Variants in CSF2RB observed in about 807,000 individuals in gnomAD.
The protein encoded by CSF2RB is cytokine receptor common subunit beta.
A neutral mutation model predicts 67.2 loss-of-function variants in CSF2RB; 22 were observed. The ratio of observed to expected loss-of-function variants is 0.33; its 90% CI spans 0.23 to 0.47. The LOEUF (loss-of-function observed/expected upper bound fraction) is 0.47, where lower values mean the gene tolerates loss of function less well. Among genes scored for constraint, CSF2RB ranks in the 20% least tolerant of loss-of-function variants. The pLI, the probability that CSF2RB is intolerant of heterozygous loss-of-function variation, is 1.00. For synonymous variants in CSF2RB, 507 were observed against 482.9 expected (o/e 1.05, Z -0.65); for missense variants, 1,113 against 1,174.5 (o/e 0.95, Z 0.76).
At chr22:36,924,211 G>A (rs1226959641) in intron 3 of CSF2RB, among the ~76,000 whole-genome samples, 1 of 149,860 alleles carries the variant, frequency 6.7e-6, no homozygotes, top group Non-Finnish European at 1.5e-5. Flanking sequence ...CCTGCTTCCT[G>A]CTGCTCTGAC....
chr22:36,922,369 C>G, intron 2 of CSF2RB, 86 bp downstream of exon 2: 1 of 1,335,472 alleles, frequency 7.5e-7, no homozygotes, highest in Non-Finnish European at 1.0e-6. Context: ...CCTCAGGATC[C>G]TGCCCGCCAG....
intron 1 of CSF2RB, among the ~76,000 whole-genome samples, chr22:36,920,068 T>C (rs1056181500): frequency 4.6e-5 from 7 of 152,182 alleles, no homozygotes; most frequent in African/African-American, 1.4e-4. Context: ...ATCCCACCCC[T>C]GTTTTCTCAT....
At position 36,929,541 on chromosome 22, in the gene CSF2RB, G is replaced by T. The variant is rs1346963093; in HGVS notation, c.531G>T (p.Arg177=). The T allele has an allele frequency of 1.9e-6, 3 of 1,614,048 alleles. No homozygotes were observed. The African/African-American group carries it at 4.0e-5, about 22-fold the overall frequency. ...GDLEFEVVYK[R]LQDSWEDAAI... is the part of the protein sequence containing the mutation. ...TGGAGTTTGAGGTGGTCTACAAGCGGCTTCAGGACTCTTGGGAGGTAGGAA... is the reference window on the plus strand; with the variant it reads ...TGGAGTTTGAGGTGGTCTACAAGCGTCTTCAGGACTCTTGGGAGGTAGGAA... The change falls in exon 5 of 14, where the codon CGG becomes CGT. Residue 177 remains arginine (R), a synonymous_variant. Transcript: ENST00000403662.
In CSF2RB at chr22:36,937,591, G is replaced by A. The variant is rs1941296212; in HGVS notation, c.1783G>A (p.Gly595Arg). The A allele has an allele frequency of 9.4e-6, 15 of 1,597,670 alleles. No homozygotes were observed. The highest frequency in any genetic ancestry group is 1.3e-5 in the Non-Finnish European group (15 of 1,172,174). ...CTTTGACTTCAATGGGCCCTACCTGGGGCCGCCCCACAGCCGCTCCCTACC... is the reference window on the plus strand; with the variant it reads ...CTTTGACTTCAATGGGCCCTACCTGAGGCCGCCCCACAGCCGCTCCCTACC... ...SSFDFNGPYL[G>R]PPHSRSLPDI... The change falls in exon 14 of 14, where the codon GGG becomes AGG. Residue 595 changes from glycine (G) to arginine (R), a missense_variant. Physicochemically the swap from Gly to Arg is moderately radical, Grantham distance 125. Transcript: ENST00000403662. This position sits in a 1 kb window ranked among gnomAD's most constrained non-coding sequence, Gnocchi z 4.6.
At position 36,937,876 on chromosome 22, in the gene CSF2RB, G is replaced by A. The variant is rs140971174; in HGVS notation, c.2068G>A (p.Asp690Asn). ...GPRVGGQDQK[D>N]SPVAIPMSSG... Reference sequence around the variant, plus strand: ...AAGGGTGGGAGGACAGGACCAAAAGGACAGCCCTGTGGCTATACCCATGAG... The same window carrying A: ...AAGGGTGGGAGGACAGGACCAAAAGAACAGCCCTGTGGCTATACCCATGAG... Residue 690 changes from aspartate (D) to asparagine (N), a missense_variant, in exon 14 of 14, where the codon GAC (aspartate) becomes AAC (asparagine). This residue lies in a region of CSF2RB where 554 missense variants were observed against 517.9 expected (regional missense o/e 1.07). Transcript: ENST00000403662. The surrounding 1 kb of genome is among the most constrained non-coding windows in gnomAD (Gnocchi z 4.6). The A allele has an allele frequency of 3.7e-6, 6 of 1,613,970 alleles. No individual in the cohort carries two copies. In the African/African-American group the frequency reaches 6.7e-5, roughly 18 times the overall value.
At position 36,932,773 on chromosome 22, in the gene CSF2RB, G is replaced by A; in HGVS notation, c.1021G>A (p.Ala341Thr). 6.2e-7 allele frequency: 1 copy of A among 1,613,678 alleles called. No homozygotes were observed. The highest frequency in any genetic ancestry group is 8.5e-7 in the Non-Finnish European group (1 of 1,179,892). ...AGCTTCCCTCCCTCCAGTCCAGATG[G>A]CCCCTCCATCCCTCAACGTGACCAA... ...HIKSSVNIQM[A>T]PPSLNVTKDG... Residue 341 changes from alanine to threonine, a missense_variant, in exon 9 of 14, where the codon GCC becomes ACC. Ala to Thr is a moderately conservative substitution (Grantham distance 58, BLOSUM62 0). Around this residue, in one of 2 missense-constraint regions of CSF2RB, gnomAD observed 559 missense variants for 656.5 expected, o/e 0.85. Coordinates refer to ENST00000403662, the MANE Select transcript of CSF2RB (RefSeq NM_000395.3).
chr22:36,922,337 CT>C, intron 2 of CSF2RB, 54 bp downstream of exon 2: 2 of 1,507,690 alleles, frequency 1.3e-6, no homozygotes, highest in South Asian at 1.2e-5. Flanking sequence ...CTGCTGCACC[CT>C]GGGGGAGGGC....
chr22:36,933,902 A>G lies in CSF2RB; in HGVS notation c.1223A>G (p.Tyr408Cys). The change falls in exon 10 of 14, where the codon TAC (tyrosine) becomes TGC (cysteine). Residue 408 changes from tyrosine (Y) to cysteine (C), a missense_variant. Transcript: ENST00000403662. The stretch of plus-strand genomic sequence containing the variant: ...CCAGCCCTGGAGCCCTCCACCAGGT[A>G]CTGGGCCAGGGTGAGGGTCAGGACC... The part of the protein sequence containing the change: ...ALPALEPSTR[Y>C]WARVRVRTSR... The G allele has an allele frequency of 6.2e-7, 1 of 1,611,982 alleles. No individual in the cohort carries two copies. The highest frequency in any genetic ancestry group is 8.5e-7 in the Non-Finnish European group (1 of 1,179,940).
chr22:36,925,035 G>A (rs966108057), intron 3 of CSF2RB, among the ~76,000 whole-genome samples: 7 of 152,206 alleles, frequency 4.6e-5, no homozygotes, highest in African/African-American at 1.7e-4. Context: ...GACAACAGGT[G>A]TCTCCGACTC....
At chr22:36,932,467 T>C (rs1941167194) in intron 8 of CSF2RB, among the ~76,000 whole-genome samples, 1 of 148,834 alleles carries the variant, frequency 6.7e-6, no homozygotes, top group African/African-American at 2.5e-5. Context: ...GCCAGTTGCC[T>C]AGAATAGAAC....
Position 36,937,485 on chromosome 22 carries a change from A to C in CSF2RB, c.1677A>C (p.Ser559=). 1 of 1,613,998 alleles carries C rather than the reference A, an allele frequency of 6.2e-7. No homozygotes were observed. Among genetic ancestry groups the C allele is most frequent in the Non-Finnish European group, 8.5e-7 (1 of 1,179,984 alleles). The change falls in exon 14 of 14, where the codon TCA becomes TCC. Residue 559 remains serine, a synonymous_variant. Coordinates refer to ENST00000403662, the MANE Select transcript of CSF2RB (RefSeq NM_000395.3). This position sits in a 1 kb window ranked among gnomAD's most constrained non-coding sequence, Gnocchi z 4.6. ...GGCCTGACACGACTCCAGCTGCCTC[A>C]GATCTACCCACAGAGCAGCCCCCCA... ...PSGPDTTPAA[S]DLPTEQPPSP... is the part of the protein sequence containing the mutation.
At position 36,938,476 on chromosome 22, in the gene CSF2RB, G is replaced by T. The variant is rs756743554; in HGVS notation, c.2668G>T (p.Val890Phe). 1.3e-5 allele frequency: 21 copies of T among 1,613,852 alleles called. No individual in the cohort carries two copies. The highest frequency in any genetic ancestry group is 1.8e-5 in the Non-Finnish European group (21 of 1,179,894). Residue 890 changes from valine to phenylalanine, a missense_variant, in exon 14 of 14, where the codon GTC becomes TTC. By Grantham distance (50) the Val-to-Phe change is conservative. Around this residue, in one of 2 missense-constraint regions of CSF2RB, gnomAD observed 554 missense variants for 517.9 expected, o/e 1.07. Transcript: ENST00000403662. ...QDYLSLPPWE[V>F]NKPGEVC ...CTACCTGTCTCTGCCCCCTTGGGAG[G>T]TCAACAAGCCTGGGGAGGTGTGTTG...
At chr22:36,919,657 C>T (rs1343736604) in intron 1 of CSF2RB, among the ~76,000 whole-genome samples, 3 of 152,046 alleles carry the variant, frequency 2.0e-5, no homozygotes, top group Admixed American at 6.6e-5. Context: ...GTGATCTGCC[C>T]ACCTTGGCCT....
At chr22:36,919,558 T>C (rs1601577171) in intron 1 of CSF2RB, among the ~76,000 whole-genome samples, 1 of 136,890 alleles carries the variant, frequency 7.3e-6, no homozygotes, top group Admixed American at 8.0e-5. Flanking sequence ...TGCGCCACCA[T>C]GGCCAGCTAT....
Position 36,922,166 on chromosome 22 carries a change from C to T in CSF2RB, c.-42C>T. 1 of 1,517,028 alleles carries T rather than the reference C, an allele frequency of 6.6e-7. No homozygotes were observed. Among genetic ancestry groups the T allele is most frequent in the East Asian group, 2.4e-5 (1 of 41,314 alleles). 94.0% of individuals were successfully genotyped at this position (1,517,028 alleles called of 1,614,324 possible). On this transcript the variant is annotated 5_prime_UTR_variant, in exon 2 of 14. Coordinates refer to ENST00000403662, the MANE Select transcript of CSF2RB (RefSeq NM_000395.3). The stretch of plus-strand genomic sequence containing the variant: ...ACCCTGTCATGCCCATGGCCAGCAC[C>T]CACCAGTGCTGGTGCCTGCCTGTCC...
chr22:36,923,905 C>G (rs4437064), intron 3 of CSF2RB: 341,413 of 658,428 alleles, frequency 0.52, 91,360 homozygotes, highest in Admixed American at 0.65. Flanking sequence ...CTCTCCCAGG[C>G]CCCCCCTCCG....
chr22:36,937,470 G>A lies in CSF2RB; in HGVS notation c.1662G>A (p.Thr554=), dbSNP rs752226094. ...HVCDPPSGPD[T]TPAASDLPTE... ...GTGATCCACCATCTGGGCCTGACAC[G>A]ACTCCAGCTGCCTCAGATCTACCCA... Residue 554 remains threonine (T), a synonymous_variant, in exon 14 of 14, where the codon ACG becomes ACA. Transcript: ENST00000403662. The surrounding 1 kb of genome is among the most constrained non-coding windows in gnomAD (Gnocchi z 4.6). 13 of 1,613,810 alleles carry A rather than the reference G, an allele frequency of 8.1e-6. No individual in the cohort carries two copies. Among genetic ancestry groups the A allele is most frequent in the Middle Eastern group, 1.6e-4 (1 of 6,082 alleles).
In CSF2RB at chr22:36,929,671, G is replaced by A; in HGVS notation, c.582G>A (p.Gln194=). The A allele has an allele frequency of 5.0e-6, 8 of 1,614,208 alleles. No individual in the cohort carries two copies. The highest frequency in any genetic ancestry group is 6.8e-6 in the Non-Finnish European group (8 of 1,180,030). ...CCATCCTCCTCTCCAACACCTCCCA[G>A]GCCACCCTGGGGCCAGAGCACCTCA... The part of the protein sequence containing the change: ...DAAILLSNTS[Q]ATLGPEHLMP... Residue 194 remains glutamine, a synonymous_variant, in exon 6 of 14, where the codon CAG becomes CAA. Coordinates refer to ENST00000403662, the MANE Select transcript of CSF2RB (RefSeq NM_000395.3).
chr22:36,930,753 A>C lies in CSF2RB; in HGVS notation c.935A>C (p.Asp312Ala), dbSNP rs1941132274. 1 of 1,613,734 alleles carries C rather than the reference A, an allele frequency of 6.2e-7. No homozygotes were observed. The highest frequency in any genetic ancestry group is 8.5e-7 in the Non-Finnish European group (1 of 1,180,008). ...CACCACTGCCAGATTCCCGTGCCCG[A>C]CCCCGCGACCCACGGCCAATACATC... ...TRHHCQIPVPDPATHGQYIVS... is the reference protein window; with the variant it reads ...TRHHCQIPVPAPATHGQYIVS... Residue 312 changes from aspartate (D) to alanine (A), a missense_variant, in exon 8 of 14, where the codon GAC becomes GCC. Physicochemically the swap from Asp to Ala is moderately radical, Grantham distance 126. This residue lies in a region of CSF2RB where 559 missense variants were observed against 656.5 expected (regional missense o/e 0.85). Transcript: ENST00000403662.
Sources: gnomAD v4.1 joint callset for allele counts (sites outside exome capture counted in the v4.1 genomes callset) on GRCh38, gnomAD v4.1.1 for gene constraint, gnomAD v4.1.1 regional missense constraint, Gnocchi (gnomAD v3.1) non-coding constraint, MANE v1.5 for transcripts, NCBI Gene and HGNC (gene_info 2026-07-23, HGNC 2026-07-21) for gene names.